The following KIF16B variants were observed in gnomAD, a reference collection of about 807,000 sequenced individuals.
KIF16B encodes the protein kinesin family member 16B, also known as kinesin-like protein KIF16B.
Under a neutral mutation model 156.3 loss-of-function variants are expected in KIF16B, and 98 were observed. The ratio of observed to expected loss-of-function variants is 0.63; its 90% CI spans 0.53 to 0.74. KIF16B has a LOEUF of 0.74. KIF16B is among the 30% of genes least tolerant of loss of function. The pLI is 0.00. For missense variants in KIF16B, 1,421 were observed against 1,606.5 expected (o/e 0.88, Z 1.97); for synonymous variants, 564 against 583.7 (o/e 0.97, Z 0.49).
chr20:16,386,163 A>G (rs144475690), intron 17 of KIF16B, among the ~76,000 whole-genome samples: 9 of 152,280 alleles, frequency 5.9e-5, no homozygotes, highest in African/African-American at 2.2e-4. Context: ...CCCAGGACAC[A>G]CGTGTAGAAG....
intron 25 of KIF16B, among the ~76,000 whole-genome samples, chr20:16,301,409 CA>C (rs1426637209): frequency 2.0e-5 from 3 of 152,110 alleles, no homozygotes; most frequent in African/African-American, 4.8e-5. Flanking sequence ...AAGAAATCGC[CA>C]AAACTGTGCA....
chr20:16,528,244 C>T (rs951185551), intron 2 of KIF16B, 127 bp downstream of exon 2: 37 of 676,920 alleles, frequency 5.5e-5, no homozygotes, highest in Non-Finnish European at 8.3e-5. Context: ...TGCAAGCTGA[C>T]GTGGCTAACT....
intron 1 of KIF16B, among the ~76,000 whole-genome samples, chr20:16,547,467 C>T (rs1282638969): frequency 6.6e-6 from 1 of 152,216 alleles, no homozygotes; most frequent in Non-Finnish European, 1.5e-5. Flanking sequence ...AAAAGAAGCG[C>T]AATCACATTT....
At chr20:16,555,878 G>A (rs1378163475) in intron 1 of KIF16B, among the ~76,000 whole-genome samples, 1 of 152,236 alleles carries the variant, frequency 6.6e-6, no homozygotes, top group African/African-American at 2.4e-5. Flanking sequence ...TCTAGAGAAG[G>A]AGGAATGGAT....
At position 16,504,522 on chromosome 20, in the gene KIF16B, A is replaced by G. The variant is rs1431734205; in HGVS notation, c.1026T>C (p.Tyr342=). ...IATISPADVN[Y]GETLSTLRYA... ...AGCGAAGAGTACTTAGGGTTTCTCC[A>G]TAATTGACATCAGCAGGTGAAATGG... Residue 342 remains tyrosine (Y), a synonymous_variant, in exon 10 of 26, where the codon TAT becomes TAC. Coordinates refer to ENST00000354981, the MANE Select transcript of KIF16B (RefSeq NM_024704.5). 5 of 1,613,882 alleles carry G rather than the reference A, an allele frequency of 3.1e-6. No homozygotes were observed. In the African/African-American group the frequency reaches 5.3e-5, roughly 17 times the overall value.
chr20:16,297,944 C>T (rs2063415914), intron 25 of KIF16B, among the ~76,000 whole-genome samples: 2 of 152,198 alleles, frequency 1.3e-5, no homozygotes, highest in Admixed American at 6.5e-5. Context: ...TCCCCTGCTC[C>T]CACCATTCTC....
At chr20:16,502,681 T>C (rs2068660251) in intron 10 of KIF16B, among the ~76,000 whole-genome samples, 1 of 152,016 alleles carries the variant, frequency 6.6e-6, no homozygotes, top group Admixed American at 6.6e-5. Flanking sequence ...AGAGAGAAAA[T>C]GTAAAGTTTC....
chr20:16,372,090 C>A (rs911945305), intron 20 of KIF16B, among the ~76,000 whole-genome samples: 8 of 152,144 alleles, frequency 5.3e-5, no homozygotes, highest in African/African-American at 1.9e-4. Context: ...GAAGGCTCTG[C>A]GGTCTCTAAT....
intron 2 of KIF16B, 47 bp from the exon 3 acceptor site, chr20:16,526,252 C>T (rs773646920): frequency 3.1e-5 from 32 of 1,024,378 alleles, no homozygotes; most frequent in Non-Finnish European, 4.1e-5. Context: ...AAGAGCACTG[C>T]CATTTGACCC....
At chr20:16,369,332 A>G (rs1407901234) in intron 22 of KIF16B, 35 of 971,356 alleles carry the variant, frequency 3.6e-5, no homozygotes, top group Non-Finnish European at 3.7e-5. Flanking sequence ...TCTTTTGCAC[A>G]TGATGATTCT....
chr20:16,489,628 T>C (rs1206715744), intron 12 of KIF16B, among the ~76,000 whole-genome samples: 2 of 151,680 alleles, frequency 1.3e-5, no homozygotes, highest in Non-Finnish European at 2.9e-5. Context: ...GCCCAGGAAG[T>C]TGAGACTGCA....
intron 1 of KIF16B, among the ~76,000 whole-genome samples, chr20:16,569,733 C>G (rs556456894): frequency 1.3e-5 from 2 of 152,176 alleles, no homozygotes; most frequent in Admixed American, 1.3e-4. Flanking sequence ...TCCTCACAAC[C>G]AACTGAAACT....
At chr20:16,497,808 G>A (rs2068496998) in intron 10 of KIF16B, 130 bp from the exon 11 acceptor site, 2 of 632,176 alleles carry the variant, frequency 3.2e-6, no homozygotes, top group Admixed American at 3.1e-5. Context: ...CCTACACCCT[G>A]CCAAAAAGTG....
At chr20:16,373,731 G>A (rs1282044352) in intron 20 of KIF16B, among the ~76,000 whole-genome samples, 1 of 152,104 alleles carries the variant, frequency 6.6e-6, no homozygotes, top group Non-Finnish European at 1.5e-5. Context: ...TGCTTTCCCT[G>A]CAACTTTTCA....
chr20:16,478,032 G>A (rs561230024), intron 12 of KIF16B, among the ~76,000 whole-genome samples: 3 of 152,288 alleles, frequency 2.0e-5, no homozygotes, highest in East Asian at 3.9e-4. Flanking sequence ...TGGTGACTGT[G>A]TGAGTGACAG....
chr20:16,489,785 G>A (rs2068231762), intron 12 of KIF16B, among the ~76,000 whole-genome samples: 1 of 151,968 alleles, frequency 6.6e-6, no homozygotes, highest in Non-Finnish European at 1.5e-5. Context: ...GATCCAGGAG[G>A]TCTGGAGCTG....
chr20:16,370,756 C>T, intron 21 of KIF16B, 120 bp from the exon 22 acceptor site: 1 of 703,298 alleles, frequency 1.4e-6, no homozygotes, highest in East Asian at 3.1e-5. Flanking sequence ...TGTCATTCAA[C>T]AATGACAACC....
At chr20:16,349,507 C>T (rs934687461) in intron 23 of KIF16B, among the ~76,000 whole-genome samples, 1 of 152,190 alleles carries the variant, frequency 6.6e-6, no homozygotes, top group East Asian at 1.9e-4. Flanking sequence ...GAATGTTGGC[C>T]CTAGTTCCTG....
At chr20:16,402,907 G>A (rs1358461319) in intron 17 of KIF16B, among the ~76,000 whole-genome samples, 1 of 152,072 alleles carries the variant, frequency 6.6e-6, no homozygotes, top group South Asian at 2.1e-4. Flanking sequence ...ACAAAAAATG[G>A]CATTACTTTT....
Sources: gnomAD v4.1 joint callset for allele counts (sites outside exome capture counted in the v4.1 genomes callset) on GRCh38, gnomAD v4.1.1 for gene constraint, MANE v1.5 for transcripts, NCBI Gene and HGNC (gene_info 2026-07-23, HGNC 2026-07-21) for gene names.